The following RIMS2 variants were observed in gnomAD, a reference collection of about 807,000 sequenced individuals.
RIMS2 encodes regulating synaptic membrane exocytosis protein 2.
A neutral mutation model predicts 174.4 loss-of-function variants in RIMS2; 59 were observed. The ratio of observed to expected loss-of-function variants is 0.34; its 90% CI spans 0.27 to 0.42. The LOEUF (loss-of-function observed/expected upper bound fraction) is 0.42, where lower values mean the gene tolerates loss of function less well. RIMS2 is among the 10% of genes least tolerant of loss of function. The probability of loss-of-function intolerance (pLI) is 1.00; values close to 1 mark genes in which losing one functional copy is unlikely to be tolerated. For synonymous variants in RIMS2, 606 were observed against 572.5 expected (o/e 1.06, Z -0.84); for missense variants, 1,620 against 1,666.3 (o/e 0.97, Z 0.48).
At chr8:104,211,609 G>A (rs1413951279) in intron 19 of RIMS2, among the ~76,000 whole-genome samples, 7 of 149,810 alleles carry the variant, frequency 4.7e-5, no homozygotes, top group Non-Finnish European at 4.4e-5. Flanking sequence ...CTGTTGCCCC[G>A]ACTAGAGTGC....
At chr8:104,015,780 A>C (rs1467552172) in intron 19 of RIMS2, among the ~76,000 whole-genome samples, 1 of 152,102 alleles carries the variant, frequency 6.6e-6, no homozygotes, top group Non-Finnish European at 1.5e-5. Flanking sequence ...TTAACCAAAG[A>C]TATCAATTGC....
intron 19 of RIMS2, among the ~76,000 whole-genome samples, chr8:104,097,825 T>C (rs2097788877): frequency 6.6e-6 from 1 of 152,342 alleles, no homozygotes; most frequent in South Asian, 2.1e-4. Context: ...GGTCCAAAAG[T>C]AATTGCGGCT....
intron 3 of RIMS2, among the ~76,000 whole-genome samples, chr8:103,868,683 T>G (rs2099095263): frequency 6.6e-6 from 1 of 152,136 alleles, no homozygotes; most frequent in East Asian, 1.9e-4. Flanking sequence ...TTTATGTGAA[T>G]TTTAGTTTTT....
At chr8:104,198,776 G>A (rs553390587) in intron 19 of RIMS2, among the ~76,000 whole-genome samples, 5 of 152,178 alleles carry the variant, frequency 3.3e-5, no homozygotes, top group South Asian at 4.1e-4. Context: ...TCCAGTCCTC[G>A]TCACCAGAGA....
intron 1 of RIMS2, among the ~76,000 whole-genome samples, chr8:103,542,986 C>T (rs1420657401): frequency 6.6e-6 from 1 of 152,150 alleles, no homozygotes; most frequent in Non-Finnish European, 1.5e-5. Context: ...GCTCCTACCA[C>T]TTCTATTCAA....
rs183828039 is a variant in RIMS2 at position 103,644,893 on chromosome 8, G to C, written c.177-52193G>C. On this transcript the variant is annotated intron_variant, in intron 1 of 23. Transcript: ENST00000504942. ...ATCAACATGTTTATGATAAAAACTT[G>C]TCACTGATTAAGAGCAACATGATTT... Among the ~76,000 whole-genome samples the C allele has an allele frequency of 2.0e-3, 304 of 151,966 alleles. 1 individual carries two copies. Among genetic ancestry groups the C allele is most frequent in the Non-Finnish European group, 3.6e-3 (247 of 67,886 alleles).
intron 19 of RIMS2, among the ~76,000 whole-genome samples, chr8:104,174,579 T>C (rs2098861490): frequency 6.6e-6 from 1 of 152,192 alleles, no homozygotes; most frequent in Non-Finnish European, 1.5e-5. Flanking sequence ...GCTGTGTTCT[T>C]GGTACTTTGC....
intron 3 of RIMS2, among the ~76,000 whole-genome samples, chr8:103,865,004 C>T (rs1310921868): frequency 6.6e-6 from 1 of 152,070 alleles, no homozygotes; most frequent in Non-Finnish European, 1.5e-5. Flanking sequence ...ACTATACTTT[C>T]TAAACAAGAC....
intron 1 of RIMS2, among the ~76,000 whole-genome samples, chr8:103,695,951 T>C (rs567626210): frequency 1.3e-5 from 2 of 152,304 alleles, no homozygotes; most frequent in East Asian, 3.9e-4. Context: ...TGGTAGTTGA[T>C]TTGACATTTG....
At chr8:104,020,119 A>G (rs1266815037) in intron 19 of RIMS2, among the ~76,000 whole-genome samples, 1 of 151,916 alleles carries the variant, frequency 6.6e-6, no homozygotes, top group African/African-American at 2.4e-5. Flanking sequence ...TTCCTATGAG[A>G]TAGGAAGTAT....
At chr8:104,155,648 G>C (rs1237583507) in intron 19 of RIMS2, among the ~76,000 whole-genome samples, 1 of 141,098 alleles carries the variant, frequency 7.1e-6, no homozygotes, top group African/African-American at 2.6e-5. Flanking sequence ...CTCTTGACCT[G>C]GTGATCCACC....
intron 19 of RIMS2, among the ~76,000 whole-genome samples, chr8:104,236,900 A>G (rs544977029): frequency 1.1e-3 from 169 of 152,260 alleles, no homozygotes; most frequent in African/African-American, 3.9e-3. Context: ...ATATATCAAT[A>G]TTAGTTAATT....
chr8:103,958,448 T>G (rs2154544922), intron 14 of RIMS2, among the ~76,000 whole-genome samples: 1 of 152,224 alleles, frequency 6.6e-6, no homozygotes. Flanking sequence ...AACATAACTG[T>G]TAGATACTGA....
intron 19 of RIMS2, among the ~76,000 whole-genome samples, chr8:104,126,481 A>G (rs999260676): frequency 1.3e-5 from 2 of 152,172 alleles, no homozygotes; most frequent in Non-Finnish European, 2.9e-5. Context: ...TAAGTCCTCC[A>G]ATATAGTACA....
intron 19 of RIMS2, among the ~76,000 whole-genome samples, chr8:104,152,227 A>G (rs909727247): frequency 2.6e-5 from 4 of 152,160 alleles, no homozygotes; most frequent in African/African-American, 7.2e-5. Flanking sequence ...TCCTTCCTAT[A>G]TATTACATAG....
intron 15 of RIMS2, among the ~76,000 whole-genome samples, chr8:103,967,350 C>T (rs1421791512): frequency 6.6e-6 from 1 of 151,194 alleles, no homozygotes; most frequent in Non-Finnish European, 1.5e-5. Flanking sequence ...GCCACTACAT[C>T]TGGCTAATTT....
intron 1 of RIMS2, among the ~76,000 whole-genome samples, chr8:103,590,903 C>T (rs749139477): frequency 6.6e-6 from 1 of 150,856 alleles, no homozygotes; most frequent in Non-Finnish European, 1.5e-5. Context: ...TGGATAAATA[C>T]CTGTAAGTGA....
intron 19 of RIMS2, among the ~76,000 whole-genome samples, chr8:104,040,037 T>TC (rs1597574972): frequency 2.0e-5 from 3 of 151,716 alleles, no homozygotes; most frequent in African/African-American, 7.2e-5. Flanking sequence ...TCTGGTTTTT[T>TC]CCTAAGAAAA....
intron 1 of RIMS2, among the ~76,000 whole-genome samples, chr8:103,538,150 A>G (rs993163965): frequency 1.3e-5 from 2 of 152,034 alleles, no homozygotes; most frequent in Non-Finnish European, 2.9e-5. Flanking sequence ...TTAGGCTTTG[A>G]CCTATTTGAT....
Sources: gnomAD v4.1 joint callset for allele counts (sites outside exome capture counted in the v4.1 genomes callset) on GRCh38, gnomAD v4.1.1 for gene constraint, MANE v1.5 for transcripts, NCBI Gene and HGNC (gene_info 2026-07-23, HGNC 2026-07-21) for gene names.